Variants in DOCK10 observed in about 807,000 individuals in gnomAD.
The protein encoded by DOCK10 is dedicator of cytokinesis 10.
DOCK10 carries 145 observed loss-of-function variants against 280.1 expected under a neutral mutation model. The observed-to-expected ratio is 0.52, with a 90% CI of 0.45 to 0.59. The LOEUF (loss-of-function observed/expected upper bound fraction) is 0.59. Ranked by LOEUF, DOCK10 falls within the 20% of genes least tolerant of loss-of-function variation. The pLI, the probability that DOCK10 is intolerant of heterozygous loss-of-function variation, is 0.00. For missense variants in DOCK10, 2,368 were observed against 2,651.7 expected, an observed-to-expected ratio of 0.89 and a Z score of 2.35; for synonymous variants, 915 against 942.2, an observed-to-expected ratio of 0.97 and a Z score of 0.53.
intron 7 of DOCK10, among the ~76,000 whole-genome samples, chr2:224,884,629 G>C (rs1699170587): frequency 6.6e-6 from 1 of 152,092 alleles, no homozygotes; most frequent in Non-Finnish European, 1.5e-5. Context: ...TCATACTAAG[G>C]ACAATAATTT....
At chr2:224,931,430 G>A in intron 2 of DOCK10, 119 bp downstream of exon 2, 1 of 1,144,826 alleles carries the variant, frequency 8.7e-7, no homozygotes. Flanking sequence ...TCCTGCTGCA[G>A]AGACTGAGAT....
chr2:224,809,989 CA>C (rs376029378), intron 31 of DOCK10, among the ~76,000 whole-genome samples: 3,546 of 115,298 alleles, frequency 0.031, 79 homozygotes, highest in African/African-American at 0.094. Flanking sequence ...TATTCAGCCT[CA>C]AAAAAAAAAA....
chr2:224,995,439 A>T (rs1706245527), intron 1 of DOCK10, among the ~76,000 whole-genome samples: 1 of 152,194 alleles, frequency 6.6e-6, no homozygotes, highest in Admixed American at 6.5e-5. Flanking sequence ...TTCAACAAGC[A>T]CTTATTGAAC....
chr2:225,033,261 C>T (rs559648399), intron 1 of DOCK10, among the ~76,000 whole-genome samples: 16 of 152,146 alleles, frequency 1.1e-4, no homozygotes, highest in East Asian at 9.7e-4. Context: ...CAGCTCACTG[C>T]GACCTCCGCC....
At chr2:224,929,421 G>A (rs894965569) in intron 2 of DOCK10, among the ~76,000 whole-genome samples, 2 of 152,140 alleles carry the variant, frequency 1.3e-5, no homozygotes, top group Non-Finnish European at 1.5e-5. Context: ...TTGGAACTGT[G>A]CTGATCTTTT....
intron 1 of DOCK10, among the ~76,000 whole-genome samples, chr2:225,000,227 C>CAG (rs1412623259): frequency 5.5e-5 from 2 of 36,112 alleles, no homozygotes; most frequent in Non-Finnish European, 2.2e-4. Context: ...CACACACAGA[C>CAG]ACACACACAC....
intron 2 of DOCK10, among the ~76,000 whole-genome samples, chr2:224,917,660 A>G (rs1701413609): frequency 6.6e-6 from 1 of 152,188 alleles, no homozygotes; most frequent in Admixed American, 6.5e-5. Context: ...AACTTTTTCA[A>G]CTTCCATGCT....
intron 1 of DOCK10, among the ~76,000 whole-genome samples, chr2:224,995,531 A>G (rs1324728813): frequency 2.0e-5 from 3 of 152,190 alleles, no homozygotes; most frequent in Admixed American, 1.3e-4. Context: ...TGGATATTTT[A>G]ATGTAACTTT....
intron 4 of DOCK10, chr2:224,893,241 T>G (rs990954411): frequency 6.5e-6 from 1 of 153,042 alleles, no homozygotes; most frequent in Non-Finnish European, 1.5e-5. Flanking sequence ...CATAGGGTTA[T>G]GAGTATTAAA....
chr2:224,815,156 G>A (rs1275286277), intron 30 of DOCK10, among the ~76,000 whole-genome samples: 2 of 152,152 alleles, frequency 1.3e-5, no homozygotes, highest in Non-Finnish European at 1.5e-5. Flanking sequence ...TCTCTTGAGA[G>A]CCGATGGTTT....
intron 14 of DOCK10, among the ~76,000 whole-genome samples, chr2:224,857,728 T>C (rs1477560785): frequency 6.6e-6 from 1 of 152,100 alleles, no homozygotes; most frequent in African/African-American, 2.4e-5. Flanking sequence ...CATATCTCAT[T>C]ACACAATGTG....
chr2:224,986,381 T>C (rs914675262), intron 1 of DOCK10, among the ~76,000 whole-genome samples: 1 of 152,304 alleles, frequency 6.6e-6, no homozygotes, highest in South Asian at 2.1e-4. Context: ...TTCAGGATCC[T>C]AATAAGGTCA....
chr2:224,909,957 AT>A (rs1223677704), intron 3 of DOCK10, among the ~76,000 whole-genome samples: 1 of 152,204 alleles, frequency 6.6e-6, no homozygotes, highest in African/African-American at 2.4e-5. Flanking sequence ...GTCATTGAAG[AT>A]TAAAAAAAAG....
intron 3 of DOCK10, among the ~76,000 whole-genome samples, chr2:224,908,108 C>T (rs1192624398): frequency 2.0e-4 from 29 of 148,624 alleles, no homozygotes; most frequent in Admixed American, 1.9e-3. Context: ...GCAGACCTAG[C>T]CTCTTGCCGA....
intron 1 of DOCK10, among the ~76,000 whole-genome samples, chr2:224,952,887 C>T (rs1019298853): frequency 1.4e-4 from 21 of 152,192 alleles, no homozygotes; most frequent in Non-Finnish European, 2.4e-4. Context: ...CCACCGCGCC[C>T]GGCCTATGTT....
rs1185585272 is a variant in DOCK10 at position 224,787,290 on chromosome 2, T to C, written c.5526A>G (p.Lys1842=). ...GAATACATACTTTGAAGTCTCGTTG[T>C]TTCTCAAAGACAGCAATGATGGGCT... ...VNKPIIAVFE[K]QRDFKKLSDL... Residue 1842 remains lysine, a synonymous_variant, in exon 49 of 56, where the codon AAA becomes AAG. Coordinates refer to ENST00000258390, the MANE Select transcript of DOCK10 (RefSeq NM_014689.3). The C allele has an allele frequency of 6.2e-7, 1 of 1,614,000 alleles. No homozygotes were observed. The highest frequency in any genetic ancestry group is 2.2e-5 in the East Asian group (1 of 44,884).
rs1466393730 is a variant in DOCK10, at chr2:224,765,243, T to G, written c.*478A>C. 2.0e-5 allele frequency: 3 copies of G among 152,888 alleles called. 1 individual carries two copies. Among genetic ancestry groups the G allele is most frequent in the Non-Finnish European group, 4.4e-5 (3 of 68,216 alleles). The allele number at this position is 152,888 out of a possible 1,614,324, so 9.5% of individuals were successfully genotyped here. ...CAACGCTTTTGTACACATACACAAA[T>G]ATTTTAATATAATGGTATCTGAAAT... is the stretch of plus-strand genomic sequence containing the variant. On this transcript the variant is annotated 3_prime_UTR_variant, in exon 56 of 56. Coordinates refer to ENST00000258390, the MANE Select transcript of DOCK10 (RefSeq NM_014689.3).
At chr2:224,925,627 T>C (rs1330551541) in intron 2 of DOCK10, among the ~76,000 whole-genome samples, 1 of 152,206 alleles carries the variant, frequency 6.6e-6, no homozygotes. Flanking sequence ...AGGTGGTCCA[T>C]GAAGGTAAAT....
intron 22 of DOCK10, among the ~76,000 whole-genome samples, chr2:224,844,377 G>A (rs771138955): frequency 5.3e-5 from 8 of 152,212 alleles, no homozygotes; most frequent in East Asian, 1.9e-4. Flanking sequence ...TAATCTGCCC[G>A]CCTCGGCCTC....
Sources: gnomAD v4.1 joint callset for allele counts (sites outside exome capture counted in the v4.1 genomes callset) on GRCh38, gnomAD v4.1.1 for gene constraint, MANE v1.5 for transcripts, NCBI Gene and HGNC (gene_info 2026-07-23, HGNC 2026-07-21) for gene names.